PRKAG2: variants seen among roughly 807,000 people sequenced by gnomAD.
PRKAG2 encodes protein kinase AMP-activated non-catalytic subunit gamma 2.
Under a neutral mutation model 69.6 loss-of-function variants are expected in PRKAG2, and 26 were observed. The ratio of observed to expected loss-of-function variants is 0.37; its 90% CI spans 0.27 to 0.52. PRKAG2 has a LOEUF of 0.52. Among genes scored for constraint, PRKAG2 ranks in the 20% least tolerant of loss-of-function variants. The probability of loss-of-function intolerance (pLI) is 0.90; values close to 1 mark genes in which losing one functional copy is unlikely to be tolerated. For missense variants in PRKAG2, 557 were observed against 740.0 expected, an observed-to-expected ratio of 0.75 and a Z score of 2.87; for synonymous variants, 293 against 285.0, an observed-to-expected ratio of 1.03 and a Z score of -0.28.
intron 1 of PRKAG2, among the ~76,000 whole-genome samples, chr7:151,862,232 C>G (rs2079948217): frequency 6.6e-6 from 1 of 152,134 alleles, no homozygotes; most frequent in African/African-American, 2.4e-5. Context: ...GCCCAAGTAA[C>G]TTTCCCAAGT....
chr7:151,803,962 T>C lies in PRKAG2; in HGVS notation c.115-17421A>G, dbSNP rs543157094. ...CAAAAAAAAAAAAAAAAAAAGTAAA[T>C]TAATAGGATTCAAAAGTCAAAACAT... On this transcript the variant is annotated intron_variant, in intron 1 of 15. Transcript: ENST00000287878. Among the ~76,000 whole-genome samples, 411 of 142,474 alleles carry C rather than the reference T, an allele frequency of 2.9e-3. 5 individuals are homozygous for C. The highest frequency in any genetic ancestry group is 3.4e-3 in the Admixed American group (49 of 14,240). 93.5% of individuals were successfully genotyped at this position (142,474 alleles called of 152,430 possible). A position where few individuals can be genotyped will look rare whatever the true frequency, so the allele number is the denominator to read the frequency against.
intron 3 of PRKAG2, among the ~76,000 whole-genome samples, chr7:151,755,896 G>A (rs1206802282): frequency 6.6e-6 from 1 of 152,220 alleles, no homozygotes; most frequent in Non-Finnish European, 1.5e-5. Context: ...AGTTGCTCGT[G>A]TTCTTTGGTA....
At chr7:151,611,824 C>A (rs1034302748) in intron 5 of PRKAG2, among the ~76,000 whole-genome samples, 1 of 152,082 alleles carries the variant, frequency 6.6e-6, no homozygotes, top group Non-Finnish European at 1.5e-5. Context: ...GAGGACGAGG[C>A]GGGCAGATTA....
chr7:151,833,264 G>A (rs2079078422), intron 1 of PRKAG2, among the ~76,000 whole-genome samples: 1 of 152,208 alleles, frequency 6.6e-6, no homozygotes, highest in South Asian at 2.1e-4. Flanking sequence ...TGGAAGCTGG[G>A]ACAGAGCACC....
At chr7:151,572,638 G>C (rs553132265) in intron 9 of PRKAG2, 26 bp downstream of exon 9, 1 of 1,561,192 alleles carries the variant, frequency 6.4e-7, no homozygotes, top group Non-Finnish European at 8.8e-7. Flanking sequence ...GATACTAAAA[G>C]ATTTTAAACA....
chr7:151,800,140 G>A (rs1193576816), intron 1 of PRKAG2, among the ~76,000 whole-genome samples: 2 of 151,930 alleles, frequency 1.3e-5, no homozygotes, highest in Admixed American at 1.3e-4. Flanking sequence ...GGCGGATCAT[G>A]AGGTCAGGAG....
At chr7:151,572,187 C>A (rs1163706027) in intron 9 of PRKAG2, among the ~76,000 whole-genome samples, 2 of 152,218 alleles carry the variant, frequency 1.3e-5, no homozygotes, top group African/African-American at 2.4e-5. Flanking sequence ...GCTATTTGCT[C>A]CAAACCATCT....
At chr7:151,588,105 T>TC (rs1470484380) in intron 6 of PRKAG2, among the ~76,000 whole-genome samples, 10 of 152,126 alleles carry the variant, frequency 6.6e-5, no homozygotes, top group Middle Eastern at 6.3e-3. Flanking sequence ...TCCTAATGCT[T>TC]CCCCCCACCA....
rs563960407 is a variant in PRKAG2 at position 151,807,227 on chromosome 7, C to G, written c.115-20686G>C. 1 of 369,740 alleles carries G rather than the reference C, an allele frequency of 2.7e-6. No homozygotes were observed. Among genetic ancestry groups the G allele is most frequent in the Non-Finnish European group, 5.4e-6 (1 of 185,824 alleles). The allele number at this position is 369,740 out of a possible 1,614,324, so 22.9% of individuals were successfully genotyped here. A position where few individuals can be genotyped will look rare whatever the true frequency, so the allele number is the denominator to read the frequency against. ...CAGTCAAAGGGCATTATATGTAAAT[C>G]ACACCTCAATAAAGCTGACCAAAAA... On this transcript the variant is annotated intron_variant, in intron 1 of 15. Coordinates refer to ENST00000287878, the MANE Select transcript of PRKAG2 (RefSeq NM_016203.4). The surrounding 1 kb of genome is among the most constrained non-coding windows in gnomAD (Gnocchi z 4.4).
intron 1 of PRKAG2, among the ~76,000 whole-genome samples, chr7:151,858,638 A>G (rs1344804605): frequency 6.6e-6 from 1 of 152,226 alleles, no homozygotes; most frequent in South Asian, 2.1e-4. Context: ...GTCCTGGACC[A>G]TGGCCATGCC....
chr7:151,773,037 GAGAGAGAGAGAGA>G (rs1563639716), intron 3 of PRKAG2, among the ~76,000 whole-genome samples: 1 of 35,694 alleles, frequency 2.8e-5, no homozygotes, highest in Non-Finnish European at 5.3e-5. Context: ...GAGAGAGAGA[GAGAGAGAGAGAGA>G]GAGGGAGGGA....
chr7:151,650,288 C>T lies in PRKAG2; in HGVS notation c.685-18150G>A, dbSNP rs576864753. On this transcript the variant is annotated intron_variant, in intron 4 of 15. Coordinates refer to ENST00000287878, the MANE Select transcript of PRKAG2 (RefSeq NM_016203.4). ...GCTGAGAAGTGGGCCTGGGTGATAG[C>T]GAAACCCAGTCTCAAAAAAAAAAAA... 2.4e-4 allele frequency among the ~76,000 whole-genome samples: 32 copies of T among 136,112 alleles called. 1 individual carries two copies. Among genetic ancestry groups the T allele is most frequent in the African/African-American group, 7.6e-4 (27 of 35,744 alleles). 89.3% of individuals were successfully genotyped at this position (136,112 alleles called of 152,430 possible).
rs1339720086 is a variant in PRKAG2, at chr7:151,776,929, G to C, written c.466+4223C>G. 3.3e-5 allele frequency among the ~76,000 whole-genome samples: 5 copies of C among 152,134 alleles called. No homozygotes were observed. The South Asian group carries it at 1.0e-3, about 31-fold the overall frequency. ...CAGGGGCCTCACAGTCTCTGCTTCT[G>C]AGCCCCAGCCTCATCCCCAGGACCC... On this transcript the variant is annotated intron_variant, in intron 3 of 15. Transcript: ENST00000287878.
chr7:151,600,713 C>A (rs563296780), intron 5 of PRKAG2, among the ~76,000 whole-genome samples: 30 of 152,300 alleles, frequency 2.0e-4, no homozygotes, highest in African/African-American at 6.7e-4. Context: ...TCTCCTGTAG[C>A]CTTTGACCTC....
intron 4 of PRKAG2, among the ~76,000 whole-genome samples, chr7:151,652,669 G>A (rs577303866): frequency 6.6e-6 from 1 of 152,024 alleles, no homozygotes; most frequent in Non-Finnish European, 1.5e-5. Flanking sequence ...TTTTTGAGAT[G>A]GGGTCACCCA....
intron 3 of PRKAG2, among the ~76,000 whole-genome samples, chr7:151,733,831 G>A (rs1196448196): frequency 1.3e-5 from 2 of 151,970 alleles, no homozygotes; most frequent in Admixed American, 6.6e-5. Flanking sequence ...GAGTAGCTGG[G>A]ACCATGGGTG....
intron 3 of PRKAG2, among the ~76,000 whole-genome samples, chr7:151,758,011 TC>T (rs34195755): frequency 1.8e-3 from 279 of 152,338 alleles, no homozygotes; most frequent in Non-Finnish European, 3.4e-3. Context: ...CTGTAAATCT[TC>T]CCCGGGTGTC....
At chr7:151,863,481 C>T (rs1448372827) in intron 1 of PRKAG2, among the ~76,000 whole-genome samples, 1 of 152,138 alleles carries the variant, frequency 6.6e-6, no homozygotes, top group Non-Finnish European at 1.5e-5. Context: ...CATCGCCCTT[C>T]CCCTCTGCTC....
At chr7:151,624,646 C>T (rs1352265339) in intron 5 of PRKAG2, among the ~76,000 whole-genome samples, 2 of 152,104 alleles carry the variant, frequency 1.3e-5, no homozygotes, top group Non-Finnish European at 2.9e-5. Context: ...TGCCAGATTC[C>T]GCAGGCGAGC....
Sources: gnomAD v4.1 joint callset for allele counts (sites outside exome capture counted in the v4.1 genomes callset) on GRCh38, gnomAD v4.1.1 for gene constraint, Gnocchi (gnomAD v3.1) non-coding constraint, MANE v1.5 for transcripts, NCBI Gene and HGNC (gene_info 2026-07-23, HGNC 2026-07-21) for gene names.